The following CRACDL variants were observed in gnomAD, a reference collection of about 807,000 sequenced individuals.
CRACDL encodes CRACD-like protein.
CRACDL carries 26 observed loss-of-function variants against 70.6 expected under a neutral mutation model. The observed-to-expected ratio is 0.37, with a 90% CI of 0.27 to 0.51. The LOEUF is 0.51. Ranked by LOEUF, CRACDL falls within the 20% of genes least tolerant of loss-of-function variation. CRACDL has a pLI of 0.94. For synonymous variants in CRACDL, 618 were observed against 615.2 expected (o/e 1.00, Z -0.07); for missense variants, 1,283 against 1,376.9 (o/e 0.93, Z 1.08).
chr2:98,919,443 A>G (rs1049187651), intron 1 of CRACDL, among the ~76,000 whole-genome samples: 2 of 152,252 alleles, frequency 1.3e-5, no homozygotes, highest in African/African-American at 4.8e-5. Flanking sequence ...AGTTGTTTAT[A>G]TAATACATTA....
At chr2:98,898,467 G>C (rs182540448) in intron 1 of CRACDL, among the ~76,000 whole-genome samples, 39 of 152,352 alleles carry the variant, frequency 2.6e-4, no homozygotes, top group African/African-American at 8.9e-4. Context: ...CCAGCTCTTC[G>C]CATCACAGTC....
intron 1 of CRACDL, chr2:98,869,422 G>A (rs1039654298): frequency 1.8e-4 from 83 of 472,002 alleles, no homozygotes; most frequent in African/African-American, 1.6e-3. Context: ...TGAAGGCCGG[G>A]ATGGGGGTGG....
At chr2:98,795,077 A>ATATATATTTTTTTTT in intron 9 of CRACDL, among the ~76,000 whole-genome samples, 13 of 58,492 alleles carry the variant, frequency 2.2e-4, no homozygotes, top group Non-Finnish European at 3.1e-4. Context: ...ATATATATAT[A>ATATATATTTTTTTTT]TTTTTTTTTT....
At position 98,822,519 on chromosome 2, in the gene CRACDL, G is replaced by T; in HGVS notation, c.1754C>A (p.Pro585Gln). 6.9e-7 allele frequency: 1 copy of T among 1,458,600 alleles called. No individual in the cohort carries two copies. Among genetic ancestry groups the T allele is most frequent in the Non-Finnish European group, 9.0e-7 (1 of 1,113,930 alleles). 90.4% of individuals were successfully genotyped at this position (1,458,600 alleles called of 1,614,324 possible). A position where few individuals can be genotyped will look rare whatever the true frequency, so the allele number is the denominator to read the frequency against. The change falls in exon 7 of 10, where the codon CCG becomes CAG. Residue 585 changes from proline (P) to glutamine (Q), a missense_variant. Around this residue, in one of 2 missense-constraint regions of CRACDL, gnomAD observed 921 missense variants for 881.9 expected, o/e 1.04. Transcript: ENST00000397899. This position sits in a 1 kb window ranked among gnomAD's most constrained non-coding sequence, Gnocchi z 4.9. Reference sequence around the variant, plus strand: ...CCGTTCCAGCGGGCGGGAGACGCCCGGACGAGGCCGCGCTCGGCACGAGGA... The same window carrying T: ...CCGTTCCAGCGGGCGGGAGACGCCCTGACGAGGCCGCGCTCGGCACGAGGA... ...SVSSCRARPR[P>Q]GVSRPLERAS...
intron 8 of CRACDL, 35 bp from the exon 9 acceptor site, chr2:98,796,299 CAAT>C: frequency 6.2e-7 from 1 of 1,602,308 alleles, no homozygotes; most frequent in Non-Finnish European, 8.5e-7. Context: ...GCCAAGTTAA[CAAT>C]GATTCAGACA....
chr2:98,874,049 T>C (rs116676895), intron 1 of CRACDL, among the ~76,000 whole-genome samples: 2,710 of 152,330 alleles, frequency 0.018, 89 homozygotes, highest in African/African-American at 0.061. Flanking sequence ...AGTTTGCTAC[T>C]GGTAAGTTCT....
At chr2:98,808,623 C>T (rs1202876700) in intron 7 of CRACDL, among the ~76,000 whole-genome samples, 1 of 152,178 alleles carries the variant, frequency 6.6e-6, no homozygotes, top group East Asian at 1.9e-4. Flanking sequence ...ACATCTACCC[C>T]CAGGGCTGCC....
intron 1 of CRACDL, among the ~76,000 whole-genome samples, chr2:98,867,494 T>C (rs1707193375): frequency 6.6e-6 from 1 of 152,106 alleles, no homozygotes; most frequent in African/African-American, 2.4e-5. Context: ...TGTTTTCATA[T>C]GAGATTTGAA....
chr2:98,913,384 C>T (rs1708588935), intron 1 of CRACDL, among the ~76,000 whole-genome samples: 1 of 152,126 alleles, frequency 6.6e-6, no homozygotes. Flanking sequence ...GGTCCGTGGG[C>T]AGTCAGCCAG....
Position 98,822,755 on chromosome 2 carries a change from G to A in CRACDL, c.1518C>T (p.Ser506=), listed in dbSNP as rs1575348930. 1.6e-6 allele frequency: 2 copies of A among 1,268,198 alleles called. No homozygotes were observed. Among genetic ancestry groups the A allele is most frequent in the Non-Finnish European group, 9.9e-7 (1 of 1,011,152 alleles). 78.6% of individuals were successfully genotyped at this position (1,268,198 alleles called of 1,614,324 possible). ...GCGGCGGGGACGCGGCGGGGCCCTCGCTGGCGGCCGCGGGCCGGTGTTTCA... is the reference window on the plus strand; with the variant it reads ...GCGGCGGGGACGCGGCGGGGCCCTCACTGGCGGCCGCGGGCCGGTGTTTCA... The part of the protein sequence containing the change: ...SCLKHRPAAA[S]EGPAASPPLA... Residue 506 remains serine, a synonymous_variant, in exon 7 of 10, where the codon AGC becomes AGT. Transcript: ENST00000397899. This position sits in a 1 kb window ranked among gnomAD's most constrained non-coding sequence, Gnocchi z 4.9.
At chr2:98,870,724 C>T (rs1707309581) in intron 1 of CRACDL, among the ~76,000 whole-genome samples, 1 of 152,234 alleles carries the variant, frequency 6.6e-6, no homozygotes, top group African/African-American at 2.4e-5. Context: ...CAATTCCACC[C>T]CATTCGGTGG....
At chr2:98,797,865 A>G (rs1703895622) in intron 7 of CRACDL, among the ~76,000 whole-genome samples, 1 of 152,170 alleles carries the variant, frequency 6.6e-6, no homozygotes, top group African/African-American at 2.4e-5. Context: ...TAATCCTGTC[A>G]TTTTGGACCA....
At chr2:98,815,483 A>C (rs1704745242) in intron 7 of CRACDL, among the ~76,000 whole-genome samples, 1 of 152,122 alleles carries the variant, frequency 6.6e-6, no homozygotes, top group African/African-American at 2.4e-5. Context: ...GCACTGTAGC[A>C]CCTTCTTGTG....
intron 7 of CRACDL, among the ~76,000 whole-genome samples, chr2:98,810,204 G>A (rs548306931): frequency 6.6e-6 from 1 of 152,306 alleles, no homozygotes; most frequent in East Asian, 1.9e-4. Context: ...AGTGAAGTAC[G>A]CTCAATATGG....
intron 1 of CRACDL, among the ~76,000 whole-genome samples, chr2:98,929,879 G>T (rs896892632): frequency 6.6e-6 from 1 of 152,120 alleles, no homozygotes; most frequent in African/African-American, 2.4e-5. Flanking sequence ...AAGACACCTA[G>T]TATTCATGAA....
chr2:98,795,071 A>ATTTTTTTTTTT (rs1391098955), intron 9 of CRACDL, among the ~76,000 whole-genome samples: 1 of 22,394 alleles, frequency 4.5e-5, no homozygotes, highest in African/African-American at 1.1e-4. Flanking sequence ...ATATATATAT[A>ATTTTTTTTTTT]TATATATTTT....
At chr2:98,923,383 G>A (rs1708847559) in intron 1 of CRACDL, among the ~76,000 whole-genome samples, 1 of 151,900 alleles carries the variant, frequency 6.6e-6, no homozygotes, top group Non-Finnish European at 1.5e-5. Context: ...ATGGTACTTT[G>A]TCTTGTAGCT....
intron 1 of CRACDL, among the ~76,000 whole-genome samples, chr2:98,921,633 T>A (rs1423921820): frequency 6.6e-6 from 1 of 152,188 alleles, no homozygotes; most frequent in Non-Finnish European, 1.5e-5. Context: ...ACTCCAAAGT[T>A]CCTGAAATTC....
At chr2:98,855,358 A>C (rs1002923964) in intron 1 of CRACDL, among the ~76,000 whole-genome samples, 2 of 152,190 alleles carry the variant, frequency 1.3e-5, no homozygotes, top group African/African-American at 4.8e-5. Flanking sequence ...TAGTCCAAAA[A>C]ATGTTACAAA....
Sources: gnomAD v4.1 joint callset for allele counts (sites outside exome capture counted in the v4.1 genomes callset) on GRCh38, gnomAD v4.1.1 for gene constraint, gnomAD v4.1.1 regional missense constraint, Gnocchi (gnomAD v3.1) non-coding constraint, MANE v1.5 for transcripts, NCBI Gene and HGNC (gene_info 2026-07-23, HGNC 2026-07-21) for gene names.